CNTNAP2: variants seen among roughly 807,000 people sequenced by gnomAD.
CNTNAP2 encodes the protein contactin-associated protein-like 2.
A neutral mutation model predicts 155.2 loss-of-function variants in CNTNAP2; 98 were observed. That is an observed-to-expected ratio of 0.63 (90% confidence interval 0.54 to 0.75). The LOEUF is 0.75. CNTNAP2 is among the 30% of genes least tolerant of loss of function. The pLI is 0.00. For missense variants in CNTNAP2, 1,727 were observed against 1,688.1 expected (o/e 1.02, Z -0.40); for synonymous variants, 651 against 631.2 (o/e 1.03, Z -0.47).
intron 15 of CNTNAP2, among the ~76,000 whole-genome samples, chr7:148,014,755 A>AT (rs1802145619): frequency 6.6e-6 from 1 of 152,020 alleles, no homozygotes; most frequent in Non-Finnish European, 1.5e-5. Context: ...AGAAGCCAAT[A>AT]ATAATTAAAG....
chr7:147,516,271 T>C (rs1310299896), intron 11 of CNTNAP2, among the ~76,000 whole-genome samples: 1 of 152,136 alleles, frequency 6.6e-6, no homozygotes, highest in Non-Finnish European at 1.5e-5. Context: ...AACAAAAAAA[T>C]AGACAAAATT....
At chr7:146,286,113 G>A (rs1374107503) in intron 1 of CNTNAP2, among the ~76,000 whole-genome samples, 2 of 142,562 alleles carry the variant, frequency 1.4e-5, no homozygotes, top group African/African-American at 5.3e-5. Context: ...ATGGGCAATC[G>A]AATTTCTTAC....
At chr7:146,181,969 C>T (rs952900700) in intron 1 of CNTNAP2, among the ~76,000 whole-genome samples, 2 of 151,970 alleles carry the variant, frequency 1.3e-5, no homozygotes, top group African/African-American at 2.4e-5. Context: ...TAGCTTAGAG[C>T]TTATATTCCC....
At chr7:147,002,636 T>C (rs1484281347) in intron 3 of CNTNAP2, among the ~76,000 whole-genome samples, 1 of 151,940 alleles carries the variant, frequency 6.6e-6, no homozygotes, top group Non-Finnish European at 1.5e-5. Context: ...AACAGAAATT[T>C]ATTTCTCACA....
intron 3 of CNTNAP2, among the ~76,000 whole-genome samples, chr7:146,931,724 A>T (rs1796762391): frequency 6.7e-6 from 1 of 149,810 alleles, no homozygotes; most frequent in Non-Finnish European, 1.5e-5. Flanking sequence ...AGAAGAATCA[A>T]ATAGACACAA....
intron 15 of CNTNAP2, among the ~76,000 whole-genome samples, chr7:147,985,715 T>A (rs1414081416): frequency 6.6e-6 from 1 of 152,188 alleles, no homozygotes; most frequent in African/African-American, 2.4e-5. Context: ...CTAATTCACT[T>A]GTATATTCTC....
Position 147,515,321 on chromosome 7 carries a change from C to CTTTTTTTTT in CNTNAP2, c.1777+29287_1777+29288insTTTTTTTTT, listed in dbSNP as rs763147267. On this transcript the variant is annotated intron_variant, in intron 11 of 23. Coordinates refer to ENST00000361727, the MANE Select transcript of CNTNAP2 (RefSeq NM_014141.6). ...ATTTTTCTTCATAGTTCATTATATT[C>CTTTTTTTTT]TTTTTTTGTTTGTTTGTTTTGAGAC... Among the ~76,000 whole-genome samples, 94 of 126,176 alleles carry CTTTTTTTTT rather than the reference C, an allele frequency of 7.4e-4. 3 individuals carry two copies. The highest frequency in any genetic ancestry group is 2.4e-3 in the African/African-American group (84 of 35,624). The allele number at this position is 126,176 out of a possible 152,430, so 82.8% of individuals were successfully genotyped here.
In CNTNAP2 at chr7:148,420,791, C is replaced by G. The variant is rs1474131001; in HGVS notation, c.*5175C>G. On this transcript the variant is annotated 3_prime_UTR_variant, in exon 24 of 24. Coordinates refer to ENST00000361727, the MANE Select transcript of CNTNAP2 (RefSeq NM_014141.6). ...GCTGTGAAAAGCTGGGCTAAATATTCTTTCTGTAAAGTCAAACAGGATTCC... is the reference window on the plus strand; with the variant it reads ...GCTGTGAAAAGCTGGGCTAAATATTGTTTCTGTAAAGTCAAACAGGATTCC... The G allele has an allele frequency of 6.6e-6, 1 of 152,570 alleles. No individual in the cohort carries two copies. The highest frequency in any genetic ancestry group is 1.5e-5 in the Non-Finnish European group (1 of 68,028). The allele number at this position is 152,570 out of a possible 1,614,324, so 9.5% of individuals were successfully genotyped here. A position where few individuals can be genotyped will look rare whatever the true frequency, so the allele number is the denominator to read the frequency against.
At chr7:146,522,208 TG>T (rs1398246182) in intron 1 of CNTNAP2, among the ~76,000 whole-genome samples, 1 of 152,102 alleles carries the variant, frequency 6.6e-6, no homozygotes, top group Non-Finnish European at 1.5e-5. Flanking sequence ...TTTTATTTTC[TG>T]GGAGATGACA....
chr7:148,301,084 A>G (rs925554334), intron 21 of CNTNAP2, among the ~76,000 whole-genome samples: 7 of 152,002 alleles, frequency 4.6e-5, no homozygotes, highest in Non-Finnish European at 8.8e-5. Flanking sequence ...TCACGAGGTC[A>G]GGAGTTTGAG....
At chr7:147,963,796 C>A (rs1386142442) in intron 14 of CNTNAP2, among the ~76,000 whole-genome samples, 2 of 152,096 alleles carry the variant, frequency 1.3e-5, no homozygotes, top group East Asian at 3.9e-4. Context: ...CTTAAATGGA[C>A]AGCTTAGGCA....
intron 21 of CNTNAP2, among the ~76,000 whole-genome samples, chr7:148,331,312 G>A (rs1798003926): frequency 1.3e-5 from 2 of 149,736 alleles, no homozygotes; most frequent in South Asian, 2.1e-4. Flanking sequence ...TGGATGGAGT[G>A]GACGCATGGA....
intron 1 of CNTNAP2, among the ~76,000 whole-genome samples, chr7:146,409,240 T>G (rs973816990): frequency 1.3e-5 from 2 of 152,170 alleles, no homozygotes; most frequent in African/African-American, 2.4e-5. Context: ...TCTAAAGGTA[T>G]AAGTCATTTT....
chr7:147,907,436 C>T (rs1186320230), intron 14 of CNTNAP2, among the ~76,000 whole-genome samples: 3 of 152,152 alleles, frequency 2.0e-5, no homozygotes, highest in African/African-American at 7.2e-5. Flanking sequence ...GAGAAATCTT[C>T]TTGGTCTTTG....
At chr7:147,508,187 A>C (rs1798947657) in intron 11 of CNTNAP2, among the ~76,000 whole-genome samples, 1 of 152,196 alleles carries the variant, frequency 6.6e-6, no homozygotes, top group Non-Finnish European at 1.5e-5. Context: ...TTATTGAATG[A>C]ATGATGTCTC....
intron 8 of CNTNAP2, among the ~76,000 whole-genome samples, chr7:147,250,638 G>A (rs546885967): frequency 3.3e-5 from 5 of 151,916 alleles, no homozygotes; most frequent in Non-Finnish European, 5.9e-5. Context: ...GGAGTTTGGA[G>A]GAGAAGGAGG....
chr7:147,481,732 G>C (rs545491282), intron 10 of CNTNAP2, among the ~76,000 whole-genome samples: 1 of 152,288 alleles, frequency 6.6e-6, no homozygotes, highest in South Asian at 2.1e-4. Context: ...GGAGTCACTT[G>C]ATCACAACAA....
chr7:146,176,654 C>G (rs1005694947), intron 1 of CNTNAP2, among the ~76,000 whole-genome samples: 10 of 152,030 alleles, frequency 6.6e-5, no homozygotes, highest in African/African-American at 2.4e-4. Context: ...TACTATGCAC[C>G]AAGCATTGTT....
intron 1 of CNTNAP2, among the ~76,000 whole-genome samples, chr7:146,260,137 G>T (rs113728777): frequency 9.9e-4 from 151 of 152,334 alleles, no homozygotes; most frequent in Non-Finnish European, 1.8e-3. Context: ...CACATGTGTT[G>T]GGCCTGAGGG....
Sources: allele counts gnomAD v4.1 joint callset (sites outside exome capture counted in the v4.1 genomes callset), GRCh38; gene constraint gnomAD v4.1.1; transcripts MANE v1.5; gene names NCBI Gene and HGNC (gene_info 2026-07-23, HGNC 2026-07-21).